Variants in ESRRG observed in about 807,000 individuals in gnomAD.
The protein encoded by ESRRG is estrogen related receptor gamma.
A neutral mutation model predicts 44.0 loss-of-function variants in ESRRG; 13 were observed. The observed-to-expected ratio is 0.30, with a 90% CI of 0.19 to 0.47. The LOEUF is 0.47. ESRRG is among the 20% of genes least tolerant of loss of function. The pLI is 1.00. For missense variants in ESRRG, 395 were observed against 580.6 expected (o/e 0.68, Z 3.29); for synonymous variants, 215 against 214.6 (o/e 1.00, Z -0.02).
At chr1:216,702,458 T>G (rs2081554574) in intron 1 of ESRRG, among the ~76,000 whole-genome samples, 1 of 152,018 alleles carries the variant, frequency 6.6e-6, no homozygotes, top group Middle Eastern at 3.2e-3. Context: ...TAGGATAAAG[T>G]AAGTTATTAG....
intron 1 of ESRRG, among the ~76,000 whole-genome samples, chr1:217,070,667 C>T (rs2090440239): frequency 6.6e-6 from 1 of 152,200 alleles, no homozygotes; most frequent in South Asian, 2.1e-4. Context: ...CAGGCGTAAG[C>T]CACCACTCCA....
chr1:217,029,132 C>A (rs1418182310), intron 1 of ESRRG, among the ~76,000 whole-genome samples: 1 of 152,004 alleles, frequency 6.6e-6, no homozygotes, highest in East Asian at 1.9e-4. Flanking sequence ...CATGACTTAC[C>A]TGTATAAATA....
At position 216,677,421 on chromosome 1, in the gene ESRRG, G is replaced by A. The variant is rs773155899; in HGVS notation, c.127C>T (p.Pro43Ser). The change falls in exon 2 of 7, where the codon CCT (proline) becomes TCT (serine). Residue 43 changes from proline to serine, a missense_variant. Transcript: ENST00000408911. ...SSCSSFIKTE[P>S]SSPASLTDSV... ...TCCGTCAGGGAGGCTGGGCTGGAAG[G>A]TTCCGTCTTGATGAAGGACGAACAG... The A allele has an allele frequency of 3.1e-6, 5 of 1,614,148 alleles. No individual in the cohort carries two copies. The highest frequency in any genetic ancestry group is 4.2e-6 in the Non-Finnish European group (5 of 1,180,026).
At chr1:217,074,451 C>CA (rs140445948) in intron 1 of ESRRG, among the ~76,000 whole-genome samples, 21,760 of 144,030 alleles carry the variant, frequency 0.15, 1,666 homozygotes, top group South Asian at 0.24. Flanking sequence ...TCCACCCCCC[C>CA]CAAAAAAAAA....
chr1:217,064,851 G>T (rs539080498), intron 1 of ESRRG, among the ~76,000 whole-genome samples: 6 of 152,194 alleles, frequency 3.9e-5, no homozygotes, highest in African/African-American at 1.4e-4. Flanking sequence ...ACCCTACCCT[G>T]GTTATGCTAG....
chr1:217,096,587 C>T (rs770658082), intron 1 of ESRRG, among the ~76,000 whole-genome samples: 7 of 138,982 alleles, frequency 5.0e-5, no homozygotes, highest in East Asian at 2.1e-4. Flanking sequence ...GTTTACGAGT[C>T]GCCAAAGGGG....
At chr1:217,048,889 T>G (rs1014552448) in intron 1 of ESRRG, among the ~76,000 whole-genome samples, 4 of 152,160 alleles carry the variant, frequency 2.6e-5, no homozygotes, top group Admixed American at 6.5e-5. Context: ...GTTTTGAAAA[T>G]GAACATTGAA....
At position 216,723,403 on chromosome 1, in the gene ESRRG, A is replaced by G. The variant is rs536045937; in HGVS notation, c.-104T>C. 9.5e-7 allele frequency: 1 copy of G among 1,053,970 alleles called. No individual in the cohort carries two copies. Among genetic ancestry groups the G allele is most frequent in the African/African-American group, 1.6e-5 (1 of 63,884 alleles). The allele number at this position is 1,053,970 out of a possible 1,614,324, so 65.3% of individuals were successfully genotyped here. ...AATGTTCTCCTAGTGACAAGCCTAT[A>G]GGCACAGCCAGTTGGGACCAAAGCT... On this transcript the variant is annotated 5_prime_UTR_variant, in exon 1 of 7. Transcript: ENST00000408911.
intron 1 of ESRRG, among the ~76,000 whole-genome samples, chr1:217,110,919 G>T (rs577407642): frequency 2.6e-5 from 4 of 152,248 alleles, no homozygotes; most frequent in Admixed American, 2.6e-4. Flanking sequence ...CCAAGCCATT[G>T]CATGTATCTG....
chr1:217,067,756 T>C (rs1166345), intron 1 of ESRRG, among the ~76,000 whole-genome samples: 5,276 of 152,254 alleles, frequency 0.035, 119 homozygotes, highest in East Asian at 0.052. Context: ...CTTACTTAAC[T>C]GATATTAATA....
At chr1:216,514,182 A>C (rs141705336) in intron 6 of ESRRG, among the ~76,000 whole-genome samples, 6 of 152,258 alleles carry the variant, frequency 3.9e-5, no homozygotes, top group Non-Finnish European at 8.8e-5. Flanking sequence ...AAATTGCAAT[A>C]CTGTAATATG....
At chr1:216,996,747 C>T (rs947143921) in intron 1 of ESRRG, among the ~76,000 whole-genome samples, 6 of 152,064 alleles carry the variant, frequency 3.9e-5, no homozygotes, top group Admixed American at 3.3e-4. Flanking sequence ...AATCTGAATG[C>T]TAATATCATT....
chr1:216,988,968 C>T (rs1001186271), intron 1 of ESRRG, among the ~76,000 whole-genome samples: 18 of 152,130 alleles, frequency 1.2e-4, no homozygotes, highest in Admixed American at 6.6e-5. Flanking sequence ...ACAGTCATAG[C>T]CCTTTAATTG....
intron 1 of ESRRG, chr1:216,715,235 A>AG (rs1358497773): frequency 1.0e-6 from 1 of 985,270 alleles, no homozygotes; most frequent in Non-Finnish European, 1.2e-6. Context: ...CTGATGAGGC[A>AG]GGTCTCATTC....
At chr1:216,547,207 C>T (rs1296044177) in intron 5 of ESRRG, among the ~76,000 whole-genome samples, 2 of 151,820 alleles carry the variant, frequency 1.3e-5, no homozygotes, top group African/African-American at 2.4e-5. Context: ...TCAGGCCTGG[C>T]ACCTAGCAAG....
chr1:217,060,814 A>AGATAGATAGATAGATAGAT (rs1405023235), intron 1 of ESRRG, among the ~76,000 whole-genome samples: 1,197 of 60,306 alleles, frequency 0.02, 22 homozygotes, highest in African/African-American at 0.043. Flanking sequence ...ATAGATAGAT[A>AGATAGATAGATAGATAGAT]GATAGATAGA....
chr1:216,756,025 C>T (rs930118966), intron 2 of ESRRG, among the ~76,000 whole-genome samples: 10 of 152,036 alleles, frequency 6.6e-5, no homozygotes, highest in African/African-American at 2.2e-4. Flanking sequence ...AAGTAGTGTG[C>T]ATTCCCAAAA....
chr1:216,706,863 A>G (rs771710140), intron 1 of ESRRG, among the ~76,000 whole-genome samples: 1 of 152,226 alleles, frequency 6.6e-6, no homozygotes, highest in Non-Finnish European at 1.5e-5. Flanking sequence ...ACCAATCTGT[A>G]TCTTCAAAAA....
chr1:216,726,036 C>T (rs2087449136), upstream of ESRRG, among the ~76,000 whole-genome samples: 1 of 152,130 alleles, frequency 6.6e-6, no homozygotes, highest in South Asian at 2.1e-4. Context: ...ATCCATTTGA[C>T]TTCACTGGTG....
Sources: allele counts gnomAD v4.1 joint callset (sites outside exome capture counted in the v4.1 genomes callset), GRCh38; gene constraint gnomAD v4.1.1; transcripts MANE v1.5; gene names NCBI Gene and HGNC (gene_info 2026-07-23, HGNC 2026-07-21).